Variants in NCAM2 observed in about 807,000 individuals in gnomAD.
The protein encoded by NCAM2 is N-CAM-2.
Under a neutral mutation model 98.1 loss-of-function variants are expected in NCAM2, and 30 were observed. That is an observed-to-expected ratio of 0.31 (90% CI 0.23 to 0.41). NCAM2 has a LOEUF of 0.41. Ranked by LOEUF, NCAM2 falls within the 10% of genes least tolerant of loss-of-function variation. NCAM2 has a pLI of 1.00. For missense variants in NCAM2, 867 were observed against 1,005.8 expected, an observed-to-expected ratio of 0.86 and a Z score of 1.87; for synonymous variants, 368 against 342.4, an observed-to-expected ratio of 1.07 and a Z score of -0.83.
intron 11 of NCAM2, among the ~76,000 whole-genome samples, chr21:21,422,040 A>T (rs1454241687): frequency 6.6e-6 from 1 of 152,062 alleles, no homozygotes; most frequent in East Asian, 1.9e-4. Flanking sequence ...GAAGCCTGGC[A>T]TGGGATGTGA....
intron 16 of NCAM2, among the ~76,000 whole-genome samples, chr21:21,511,377 C>T (rs978998580): frequency 3.3e-5 from 5 of 152,020 alleles, no homozygotes; most frequent in Middle Eastern, 6.8e-3. Context: ...TGAATGAAAA[C>T]ACACAATATT....
At chr21:21,452,804 A>T (rs1981413989) in intron 12 of NCAM2, among the ~76,000 whole-genome samples, 1 of 105,568 alleles carries the variant, frequency 9.5e-6, no homozygotes, top group Non-Finnish European at 1.7e-5. Flanking sequence ...AAAATATAGT[A>T]TTACTTTATA....
chr21:21,132,845 C>T (rs545843140), intron 1 of NCAM2, among the ~76,000 whole-genome samples: 2 of 152,190 alleles, frequency 1.3e-5, no homozygotes, highest in East Asian at 3.9e-4. Flanking sequence ...CTGCACAAGG[C>T]AAGAATAGAA....
intron 8 of NCAM2, among the ~76,000 whole-genome samples, chr21:21,363,408 A>G (rs768240418): frequency 9.9e-5 from 15 of 152,100 alleles, no homozygotes; most frequent in Non-Finnish European, 2.1e-4. Flanking sequence ...ATTTGCCTCA[A>G]TTTTCCCTGT....
At chr21:21,181,816 C>G (rs962625363) in intron 1 of NCAM2, among the ~76,000 whole-genome samples, 1 of 151,974 alleles carries the variant, frequency 6.6e-6, no homozygotes, top group Admixed American at 6.6e-5. Flanking sequence ...TCAGACAGAT[C>G]TTGTATTAAT....
chr21:21,095,866 C>A (rs993966437), intron 1 of NCAM2, among the ~76,000 whole-genome samples: 12 of 151,546 alleles, frequency 7.9e-5, no homozygotes, highest in Admixed American at 7.3e-4. Flanking sequence ...ATGAATCTAG[C>A]CCAGTACCTG....
At chr21:21,146,925 TACCGCTGCCTTCTACTCCGGAACTCAG>T (rs1176957860) in intron 1 of NCAM2, among the ~76,000 whole-genome samples, 198 of 150,560 alleles carry the variant, frequency 1.3e-3, no homozygotes, top group African/African-American at 2.4e-3. Context: ...CCGGAACTCA[TACCGCTGCCTTCTACTCCGGAACTCAG>T]ACCGCTGCCT....
intron 1 of NCAM2, among the ~76,000 whole-genome samples, chr21:21,115,915 T>C (rs908290112): frequency 6.6e-6 from 1 of 151,858 alleles, no homozygotes; most frequent in African/African-American, 2.4e-5. Flanking sequence ...AGTTCATGGG[T>C]AGGACTAGAG....
At chr21:21,139,819 C>A (rs942762808) in intron 1 of NCAM2, among the ~76,000 whole-genome samples, 2 of 151,854 alleles carry the variant, frequency 1.3e-5, no homozygotes, top group African/African-American at 4.8e-5. Flanking sequence ...ATACTTAATA[C>A]CATTATTTAT....
intron 15 of NCAM2, among the ~76,000 whole-genome samples, chr21:21,502,728 C>T (rs59586716): frequency 0.12 from 17,649 of 151,852 alleles, 1,237 homozygotes; most frequent in East Asian, 0.31. Context: ...TATTTAATGT[C>T]TTCTCTTTTC....
At chr21:21,060,892 A>T (rs2065307823) in intron 1 of NCAM2, among the ~76,000 whole-genome samples, 1 of 152,154 alleles carries the variant, frequency 6.6e-6, no homozygotes, top group African/African-American at 2.4e-5. Flanking sequence ...CCAGGTAAAG[A>T]GATTATTATT....
intron 1 of NCAM2, among the ~76,000 whole-genome samples, chr21:21,010,058 G>A (rs183758450): frequency 1.4e-3 from 210 of 151,944 alleles, no homozygotes; most frequent in African/African-American, 4.8e-3. Flanking sequence ...ATCTATTAAT[G>A]TTACCATTAT....
At chr21:21,009,905 G>GTGTGTGTGTA (rs1420403972) in intron 1 of NCAM2, among the ~76,000 whole-genome samples, 4 of 151,690 alleles carry the variant, frequency 2.6e-5, no homozygotes, top group African/African-American at 7.2e-5. Context: ...GTGTGTGTGT[G>GTGTGTGTGTA]TGTGTGTGTG....
In NCAM2 at chr21:21,480,430, T is replaced by A. The variant is rs555348303; in HGVS notation, c.2077+2959T>A. 6.0e-5 allele frequency among the ~76,000 whole-genome samples: 9 copies of A among 151,112 alleles called. No individual in the cohort carries two copies. The South Asian group carries it at 1.5e-3, about 25-fold the overall frequency. On this transcript the variant is annotated intron_variant, in intron 15 of 17. Transcript: ENST00000400546. ...AGAGATTTTTCTTAGAAGGTGAGTT[T>A]CCAAAGGAAACATGCAGGAATGAAC...
rs73334351 is a variant in NCAM2, at chr21:21,175,017, T to C, written c.56-105561T>C. On this transcript the variant is annotated intron_variant, in intron 1 of 17. Transcript: ENST00000400546. ...ATTTCTAGAACATAGTGAAAAATTA[T>C]ATAGATCCTTGCAAGTCACAGTAAT... is the stretch of plus-strand genomic sequence containing the variant. 4.0e-3 allele frequency among the ~76,000 whole-genome samples: 615 copies of C among 152,284 alleles called. 10 individuals are homozygous for C. Among genetic ancestry groups the C allele is most frequent in the African/African-American group, 0.014 (591 of 41,552 alleles).
chr21:21,281,681 C>T (rs1322799003), intron 2 of NCAM2, among the ~76,000 whole-genome samples: 1 of 151,674 alleles, frequency 6.6e-6, no homozygotes, highest in Non-Finnish European at 1.5e-5. Flanking sequence ...TATGATATAC[C>T]TAAATAATTT....
chr21:21,427,189 A>G (rs1429528770), intron 11 of NCAM2, among the ~76,000 whole-genome samples: 1 of 152,092 alleles, frequency 6.6e-6, no homozygotes, highest in Non-Finnish European at 1.5e-5. Flanking sequence ...GAACAAAAGA[A>G]GAGTATGTTT....
At chr21:21,022,796 A>T (rs909666232) in intron 1 of NCAM2, among the ~76,000 whole-genome samples, 2 of 152,072 alleles carry the variant, frequency 1.3e-5, no homozygotes, top group African/African-American at 4.8e-5. Context: ...AGTTGTGGGA[A>T]ATTTAGTTTT....
intron 16 of NCAM2, among the ~76,000 whole-genome samples, chr21:21,509,523 A>G (rs1376997945): frequency 6.6e-6 from 1 of 152,206 alleles, no homozygotes; most frequent in Non-Finnish European, 1.5e-5. Flanking sequence ...GATTTTTTGT[A>G]TAGAAAATAT....
Sources: allele counts gnomAD v4.1 joint callset (sites outside exome capture counted in the v4.1 genomes callset), GRCh38; gene constraint gnomAD v4.1.1; transcripts MANE v1.5; gene names NCBI Gene and HGNC (gene_info 2026-07-23, HGNC 2026-07-21).